SEMA3A: variants seen among roughly 807,000 people sequenced by gnomAD.
SEMA3A encodes semaphorin 3A.
Under a neutral mutation model 97.9 loss-of-function variants are expected in SEMA3A, and 29 were observed. That is an observed-to-expected ratio of 0.30 (90% CI 0.22 to 0.40). The LOEUF is 0.40. SEMA3A is among the 10% of genes least tolerant of loss of function. SEMA3A has a pLI of 1.00. For synonymous variants in SEMA3A, 321 were observed against 323.7 expected, an observed-to-expected ratio of 0.99 and a Z score of 0.09; for missense variants, 763 against 951.3, an observed-to-expected ratio of 0.80 and a Z score of 2.60.
rs59465422 is a variant in SEMA3A at position 84,463,237 on chromosome 7, C to CTTTTTTT, written c.-246+29216_-246+29222dup. ...ATTACTTTAGTATTTTGTAACTATT[C>CTTTTTTT]TTTTTTTTTTTTTTTTTTTTTTTTT... On this transcript the variant is annotated intron_variant, in intron 1 of 3. Coordinates refer to the SEMA3A transcript ENST00000424555. Among the ~76,000 whole-genome samples the CTTTTTTT allele has an allele frequency of 5.3e-3, 378 of 71,268 alleles. 69 individuals carry two copies. Among genetic ancestry groups the CTTTTTTT allele is most frequent in the African/African-American group, 0.017 (297 of 17,858 alleles). The allele number at this position is 71,268 out of a possible 152,430, so 46.8% of individuals were successfully genotyped here. A position where few individuals can be genotyped will look rare whatever the true frequency, so the allele number is the denominator to read the frequency against.
Position 83,976,238 on chromosome 7 carries a change from T to C in SEMA3A, c.1717+894A>G, listed in dbSNP as rs1165336441. Among the ~76,000 whole-genome samples, 5 of 152,038 alleles carry C rather than the reference T, an allele frequency of 3.3e-5. No individual in the cohort carries two copies. The South Asian group carries it at 1.0e-3, about 32-fold the overall frequency. On this transcript the variant is annotated intron_variant, in intron 15 of 16. Transcript: ENST00000265362. ...AATGTTTTATTAAAATCCATAAACA[T>C]GAATATTCCACACATAAAATTAGTA...
At chr7:84,229,037 T>TTCATATCTCC (rs1466290922) in intron 3 of SEMA3A, among the ~76,000 whole-genome samples, 1 of 152,112 alleles carries the variant, frequency 6.6e-6, no homozygotes, top group Non-Finnish European at 1.5e-5. Context: ...GAGATTGTCT[T>TTCATATCTCC]TCATATCTCC....
chr7:84,080,038 T>C (rs1794096199), intron 4 of SEMA3A, among the ~76,000 whole-genome samples: 1 of 142,130 alleles, frequency 7.0e-6, no homozygotes, highest in Non-Finnish European at 1.5e-5. Context: ...AAATGATGAG[T>C]TCATGTCCTT....
In SEMA3A at chr7:84,065,589, T is replaced by A. The variant is rs1237245161; in HGVS notation, c.454-5031A>T. 1.8e-4 allele frequency among the ~76,000 whole-genome samples: 27 copies of A among 148,852 alleles called. No homozygotes were observed. In the South Asian group the frequency reaches 5.8e-3, roughly 32 times the overall value. On this transcript the variant is annotated intron_variant, in intron 4 of 16. Transcript: ENST00000265362. ...GCAATAAGAAATGATAAAGGGGATA[T>A]CACCACTGATCCCACAGAAATACAA...
intron 6 of SEMA3A, among the ~76,000 whole-genome samples, chr7:84,038,007 C>G (rs530747959): frequency 6.6e-6 from 1 of 151,910 alleles, no homozygotes; most frequent in African/African-American, 2.4e-5. Context: ...TTTAAAGACC[C>G]TTTACCTGAA....
chr7:84,345,235 T>G (rs1802269296), intron 2 of SEMA3A, among the ~76,000 whole-genome samples: 1 of 152,184 alleles, frequency 6.6e-6, no homozygotes, highest in Non-Finnish European at 1.5e-5. Context: ...AATTTAAAAA[T>G]ATTGTATTAT....
chr7:84,473,141 G>GGTGT (rs61623414), intron 1 of SEMA3A, among the ~76,000 whole-genome samples: 18,029 of 141,364 alleles, frequency 0.13, 1,221 homozygotes, highest in East Asian at 0.26. Context: ...AAAAAGAAAT[G>GGTGT]GTGTGTGTGT....
At chr7:84,323,422 C>T (rs1379118248) in intron 2 of SEMA3A, among the ~76,000 whole-genome samples, 1 of 152,022 alleles carries the variant, frequency 6.6e-6, no homozygotes, top group Non-Finnish European at 1.5e-5. Context: ...GACAGACAGA[C>T]CGCCTTCAGC....
intron 4 of SEMA3A, among the ~76,000 whole-genome samples, chr7:84,079,757 A>G (rs1470439508): frequency 1.8e-5 from 2 of 114,154 alleles, no homozygotes; most frequent in Admixed American, 8.6e-5. Context: ...TGTTGGTGGG[A>G]CTGTAAACTA....
rs1806520588 is a variant in SEMA3A, at chr7:84,484,323, A to G, written c.-246+8137T>C. Among the ~76,000 whole-genome samples, 3 of 152,172 alleles carry G rather than the reference A, an allele frequency of 2.0e-5. No homozygotes were observed. In the South Asian group the frequency reaches 6.2e-4, roughly 31 times the overall value. ...AAATGTTCAAAACATTAAAAGACTG[A>G]ATAAAACAGGAAACAAATATTTTAA... On this transcript the variant is annotated intron_variant, in intron 1 of 3. Coordinates refer to the SEMA3A transcript ENST00000424555.
intron 1 of SEMA3A, among the ~76,000 whole-genome samples, chr7:84,164,327 T>C (rs1797137301): frequency 6.6e-6 from 1 of 152,216 alleles, no homozygotes; most frequent in South Asian, 2.1e-4. Context: ...ATACAAATTT[T>C]GGAATAAATT....
At chr7:84,214,582 T>A (rs1289008604) in intron 3 of SEMA3A, among the ~76,000 whole-genome samples, 1 of 152,064 alleles carries the variant, frequency 6.6e-6, no homozygotes, top group Non-Finnish European at 1.5e-5. Flanking sequence ...GTTCCTAGGA[T>A]AGAAGCCCTA....
In SEMA3A at chr7:84,297,697, T is replaced by G. The variant is rs17158816; in HGVS notation, c.-83+9510A>C. ...GGCTAACTGTTGGTTACATTTCCAC[T>G]AAGAAAGAGGGAGTAGGACAGTTTT... On this transcript the variant is annotated intron_variant, in intron 3 of 3. Transcript: ENST00000424555. Among the ~76,000 whole-genome samples, 1,897 of 151,600 alleles carry G rather than the reference T, an allele frequency of 0.013. 59 individuals are homozygous for G. In the East Asian group the frequency reaches 0.14, roughly 11 times the overall value.
intron 1 of SEMA3A, among the ~76,000 whole-genome samples, chr7:84,475,291 T>C (rs1213473803): frequency 1.3e-5 from 2 of 152,206 alleles, no homozygotes; most frequent in African/African-American, 2.4e-5. Context: ...TATATGTTTG[T>C]TTGTTCATTC....
At chr7:84,018,701 T>C (rs888270239) in intron 6 of SEMA3A, among the ~76,000 whole-genome samples, 4 of 152,108 alleles carry the variant, frequency 2.6e-5, no homozygotes, top group South Asian at 4.1e-4. Flanking sequence ...ACGGAGAAAG[T>C]TGTACACACA....
At chr7:84,125,904 G>T (rs977420778) in intron 3 of SEMA3A, among the ~76,000 whole-genome samples, 5 of 152,166 alleles carry the variant, frequency 3.3e-5, no homozygotes, top group African/African-American at 1.2e-4. Flanking sequence ...GCTTCAGTTT[G>T]TATTAGAATA....
At chr7:84,378,170 G>C (rs1250393205) in intron 1 of SEMA3A, among the ~76,000 whole-genome samples, 1 of 151,828 alleles carries the variant, frequency 6.6e-6, no homozygotes, top group Non-Finnish European at 1.5e-5. Context: ...GGTAAATGAA[G>C]TTATCCATAA....
intron 12 of SEMA3A, among the ~76,000 whole-genome samples, chr7:83,988,000 T>A (rs1030567687): frequency 4.6e-5 from 7 of 152,320 alleles, no homozygotes; most frequent in Admixed American, 2.6e-4. Flanking sequence ...TCTGTATCCA[T>A]AACTATTATT....
chr7:83,986,627 TTCTGAGGGG>T (rs1410583277), intron 12 of SEMA3A, among the ~76,000 whole-genome samples: 9 of 152,120 alleles, frequency 5.9e-5, no homozygotes, highest in Non-Finnish European at 8.8e-5. Flanking sequence ...GCTTGTGGGT[TTCTGAGGGG>T]TCTGATAAGA....
Sources: gnomAD v4.1 joint callset for allele counts (sites outside exome capture counted in the v4.1 genomes callset) on GRCh38, gnomAD v4.1.1 for gene constraint, MANE v1.5 for transcripts, NCBI Gene and HGNC (gene_info 2026-07-23, HGNC 2026-07-21) for gene names.